The following C12orf43 variants were observed in gnomAD, a reference collection of about 807,000 sequenced individuals.
C12orf43 encodes the protein protein CUSTOS.
In C12orf43, 15 loss-of-function variants were observed where a neutral mutation model predicts 20.6. The ratio of observed to expected loss-of-function variants is 0.73; its 90% CI spans 0.49 to 1.12. C12orf43 has a LOEUF of 1.12. C12orf43 is among the 50% of genes most tolerant of loss of function. The pLI, the probability that C12orf43 is intolerant of heterozygous loss-of-function variation, is 0.00. For missense variants in C12orf43, 334 were observed against 344.4 expected, an observed-to-expected ratio of 0.97 and a Z score of 0.24; for synonymous variants, 144 against 130.8, an observed-to-expected ratio of 1.10 and a Z score of -0.69.
intron 4 of C12orf43, 84 bp downstream of exon 4, chr12:121,006,237 A>G: frequency 8.4e-7 from 1 of 1,193,864 alleles, no homozygotes; most frequent in South Asian, 1.4e-5. Context: ...AAAAAAAAAG[A>G]ATATACCAAA....
Position 121,016,365 on chromosome 12 carries a change from T to C in C12orf43, c.110A>G (p.Glu37Gly). ...CTTCCCTGCCACGTGCGGGCGTTGC[T>C]CCAAGCCCCAAGCCGGCATTGCCGC... ...REAAMPAWGL[E>G]QRPHVAGKPR... The change falls in exon 1 of 6, where the codon GAG becomes GGG. Residue 37 changes from glutamate (E) to glycine (G), a missense_variant. By Grantham distance (98) the Glu-to-Gly change is moderately conservative. Transcript: ENST00000288757. 1 of 1,613,798 alleles carries C rather than the reference T, an allele frequency of 6.2e-7. No homozygotes were observed. The highest frequency in any genetic ancestry group is 8.5e-7 in the Non-Finnish European group (1 of 1,180,014).
chr12:121,010,992 C>A (rs1424695554), intron 2 of C12orf43, 66 bp from the exon 3 acceptor site: 1 of 1,595,780 alleles, frequency 6.3e-7, no homozygotes. Flanking sequence ...AGCACAGGGA[C>A]CATGTGTGTC....
chr12:121,012,725 A>G (rs2244436), intron 1 of C12orf43: 352,013 of 360,130 alleles, frequency 0.98, 172,552 homozygotes, highest in East Asian at 1. Flanking sequence ...GGTGGTGCAC[A>G]CCTGTAGTCC....
intron 4 of C12orf43, chr12:121,006,011 G>C (rs559931010): frequency 1.1e-5 from 3 of 264,686 alleles, no homozygotes; most frequent in African/African-American, 6.7e-5. Context: ...GAGGCCAGGA[G>C]TTCAAGACCA....
Position 121,002,570 on chromosome 12 carries a change from G to A in C12orf43, c.*1583C>T. 1 of 474,206 alleles carries A rather than the reference G, an allele frequency of 2.1e-6. No homozygotes were observed. The highest frequency in any genetic ancestry group is 3.9e-4 in the Middle Eastern group (1 of 2,582). The allele number at this position is 474,206 out of a possible 1,614,324, so 29.4% of individuals were successfully genotyped here. On this transcript the variant is annotated 3_prime_UTR_variant, in exon 6 of 6. Transcript: ENST00000288757. The stretch of plus-strand genomic sequence containing the variant: ...GTTTGGGCAGGTAGCGGGAGGCTGG[G>A]GCAGGCCAGAGGCCTGCGAAGAGGA...
chr12:121,015,326 A>G (rs1402367848), intron 1 of C12orf43, among the ~76,000 whole-genome samples: 1 of 152,160 alleles, frequency 6.6e-6, no homozygotes, highest in African/African-American at 2.4e-5. Context: ...GGAGGGAAGG[A>G]AGGGAGAGGA....
At chr12:121,009,318 G>A (rs1878260550) in intron 3 of C12orf43, among the ~76,000 whole-genome samples, 1 of 152,114 alleles carries the variant, frequency 6.6e-6, no homozygotes, top group Non-Finnish European at 1.5e-5. Flanking sequence ...AGCCAAGCGT[G>A]GTGGGTGCGC....
At position 121,016,387 on chromosome 12, in the gene C12orf43, C is replaced by T; in HGVS notation, c.88G>A (p.Ala30Thr). Residue 30 changes from alanine to threonine, a missense_variant, in exon 1 of 6, where the codon GCA becomes ACA. Physicochemically the swap from Ala to Thr is moderately conservative, Grantham distance 58. Coordinates refer to ENST00000288757, the MANE Select transcript of C12orf43 (RefSeq NM_022895.3). ...TGCTCCAAGCCCCAAGCCGGCATTG[C>T]CGCCTCGCGGCACCGCTCCAGCTCC... ...AEELERCREA[A>T]MPAWGLEQRP... 1 of 1,613,938 alleles carries T rather than the reference C, an allele frequency of 6.2e-7. No individual in the cohort carries two copies. The highest frequency in any genetic ancestry group is 8.5e-7 in the Non-Finnish European group (1 of 1,180,050).
Position 121,016,465 on chromosome 12 carries a change from G to C in C12orf43, c.10C>G (p.Pro4Ala). 1 of 1,614,048 alleles carries C rather than the reference G, an allele frequency of 6.2e-7. No homozygotes were observed. The highest frequency in any genetic ancestry group is 1.1e-5 in the South Asian group (1 of 91,086). Residue 4 changes from proline to alanine, a missense_variant, in exon 1 of 6, where the codon CCC (proline) becomes GCC (alanine). Coordinates refer to ENST00000288757, the MANE Select transcript of C12orf43 (RefSeq NM_022895.3). ...TCCGAATCGCTCACTGTGCCACTGGGCGCCGCCATCTTGAACCACCGCAAA... is the reference window on the plus strand; with the variant it reads ...TCCGAATCGCTCACTGTGCCACTGGCCGCCGCCATCTTGAACCACCGCAAA... Reference protein sequence around the residue: MAAPSGTVSDSESS... With the variant: MAAASGTVSDSESS...
chr12:121,007,028 A>G (rs12296113), intron 3 of C12orf43: 20,630 of 152,680 alleles, frequency 0.14, 1,533 homozygotes, highest in East Asian at 0.24. Flanking sequence ...CTAGAAGTGT[A>G]GTCAGGAAGT....
chr12:121,004,166 A>G lies in C12orf43; in HGVS notation c.776T>C (p.Ile259Thr). 1 of 1,614,174 alleles carries G rather than the reference A, an allele frequency of 6.2e-7. No individual in the cohort carries two copies. The highest frequency in any genetic ancestry group is 8.5e-7 in the Non-Finnish European group (1 of 1,180,026). The change falls in exon 6 of 6, where the codon ATA (isoleucine) becomes ACA (threonine). Residue 259 changes from isoleucine (I) to threonine (T), a missense_variant. Transcript: ENST00000288757. This position sits in a 1 kb window ranked among gnomAD's most constrained non-coding sequence, Gnocchi z 5.6. Reference sequence around the variant, plus strand: ...CCATGGCTGGGTTCAGTTTGCAGGTATAGCTGTAGCACTCTTTGCTGGTGG... The same window carrying G: ...CCATGGCTGGGTTCAGTTTGCAGGTGTAGCTGTAGCACTCTTTGCTGGTGG... ...PFPPAKSATA[I>T]PAN is the part of the protein sequence containing the mutation.
At position 121,004,520 on chromosome 12, in the gene C12orf43, C is replaced by T; in HGVS notation, c.453-31G>A. The T allele has an allele frequency of 6.4e-7, 1 of 1,558,674 alleles. No individual in the cohort carries two copies. Among genetic ancestry groups the T allele is most frequent in the Non-Finnish European group, 8.7e-7 (1 of 1,155,916 alleles). ...GCAACGAGAGGGTACCCTGGGTTAGCTGGAGTCAGGACACAGCCCCAGAGC... is the reference window on the plus strand; with the variant it reads ...GCAACGAGAGGGTACCCTGGGTTAGTTGGAGTCAGGACACAGCCCCAGAGC... On this transcript the variant is annotated intron_variant, in intron 5 of 5. Coordinates refer to ENST00000288757, the MANE Select transcript of C12orf43 (RefSeq NM_022895.3). This position sits in a 1 kb window ranked among gnomAD's most constrained non-coding sequence, Gnocchi z 5.6.
At chr12:121,011,022 A>T in intron 2 of C12orf43, 82 bp downstream of exon 2, 1 of 1,592,912 alleles carries the variant, frequency 6.3e-7, no homozygotes, top group Admixed American at 1.7e-5. Flanking sequence ...TGGAAATGCC[A>T]GGCGTGAAGC....
Position 121,004,457 on chromosome 12 carries a change from C to A in C12orf43, c.485G>T (p.Arg162Leu). ...GTCGGACGCCGACACAGCTGCCTCC[C>A]GGCACCGCCGCCACTCCTCGTCACT... ...EDSDEEWRRC[R>L]EAAVSASDIL... Residue 162 changes from arginine to leucine, a missense_variant, in exon 6 of 6, where the codon CGG becomes CTG. Transcript: ENST00000288757. The surrounding 1 kb of genome is among the most constrained non-coding windows in gnomAD (Gnocchi z 5.6). 6.2e-7 allele frequency: 1 copy of A among 1,609,236 alleles called. No individual in the cohort carries two copies. The highest frequency in any genetic ancestry group is 8.5e-7 in the Non-Finnish European group (1 of 1,177,982).
Position 121,004,132 on chromosome 12 carries a change from G to A in C12orf43, c.*21C>T, listed in dbSNP as rs1385934679. On this transcript the variant is annotated 3_prime_UTR_variant, in exon 6 of 6. Coordinates refer to ENST00000288757, the MANE Select transcript of C12orf43 (RefSeq NM_022895.3). This position sits in a 1 kb window ranked among gnomAD's most constrained non-coding sequence, Gnocchi z 5.6. ...ACACCTTGTCCTTGGAGCTGGCTGA[G>A]CCCTGTGCCCATGGCTGGGTTCAGT... 3 of 1,612,230 alleles carry A rather than the reference G, an allele frequency of 1.9e-6. No homozygotes were observed. In the South Asian group the frequency reaches 3.3e-5, roughly 18 times the overall value.
rs575233053 is a variant in C12orf43 at position 121,010,438 on chromosome 12, CT to C, written c.287+389del. On this transcript the variant is annotated intron_variant, in intron 3 of 5. Transcript: ENST00000288757. ...ATAGCGGTGTCCCCTGGGCAAATGACTTTGCCTCTCTGAGCCTCAGTTACCC... is the reference window on the plus strand; with the variant it reads ...ATAGCGGTGTCCCCTGGGCAAATGACTTGCCTCTCTGAGCCTCAGTTACCC... 1.5e-3 allele frequency among the ~76,000 whole-genome samples: 225 copies of C among 152,356 alleles called. 1 individual carries two copies. The highest frequency in any genetic ancestry group is 5.2e-3 in the African/African-American group (215 of 41,578).
In C12orf43 at chr12:121,004,501, A is replaced by T; in HGVS notation, c.453-12T>A. The T allele has an allele frequency of 1.3e-6, 2 of 1,581,804 alleles. No homozygotes were observed. The highest frequency in any genetic ancestry group is 1.7e-6 in the Non-Finnish European group (2 of 1,165,664). On this transcript the variant is annotated splice_polypyrimidine_tract_variant and intron_variant, in intron 5 of 5. Transcript: ENST00000288757. The surrounding 1 kb of genome is among the most constrained non-coding windows in gnomAD (Gnocchi z 5.6). ...CGTCACTGTCCTCACTGCTGCAACG[A>T]GAGGGTACCCTGGGTTAGCTGGAGT... is the stretch of plus-strand genomic sequence containing the variant.
chr12:121,006,271 C>A, intron 4 of C12orf43, 50 bp downstream of exon 4: 1 of 1,496,326 alleles, frequency 6.7e-7, no homozygotes. Context: ...CCTCCAGACA[C>A]ACATTAGGTG....
Position 121,005,241 on chromosome 12 carries a change from T to C in C12orf43, c.362-148A>G. 1 of 437,840 alleles carries C rather than the reference T, an allele frequency of 2.3e-6. No homozygotes were observed. The highest frequency in any genetic ancestry group is 3.6e-5 in the East Asian group (1 of 27,896). 27.1% of individuals were successfully genotyped at this position (437,840 alleles called of 1,614,324 possible). On this transcript the variant is annotated intron_variant, in intron 4 of 5. Coordinates refer to ENST00000288757, the MANE Select transcript of C12orf43 (RefSeq NM_022895.3). The surrounding 1 kb of genome is among the most constrained non-coding windows in gnomAD (Gnocchi z 5.6). ...ATAAAGAGAAACAAAAAAAAAATTT[T>C]AAGAAGACACAAAATAAAAAAATTT... is the stretch of plus-strand genomic sequence containing the variant.
Sources: allele counts gnomAD v4.1 joint callset (sites outside exome capture counted in the v4.1 genomes callset), GRCh38; gene constraint gnomAD v4.1.1; non-coding constraint Gnocchi (gnomAD v3.1); transcripts MANE v1.5; gene names NCBI Gene and HGNC (gene_info 2026-07-23, HGNC 2026-07-21).